NTRK1: variants seen among roughly 807,000 people sequenced by gnomAD.
NTRK1 encodes the protein high affinity nerve growth factor receptor.
Under a neutral mutation model 86.8 loss-of-function variants are expected in NTRK1, and 62 were observed. The ratio of observed to expected loss-of-function variants is 0.71; its 90% CI spans 0.58 to 0.88. The LOEUF (loss-of-function observed/expected upper bound fraction) is 0.88. Ranked by LOEUF, NTRK1 falls within the 40% of genes least tolerant of loss-of-function variation. The pLI is 0.00. For synonymous variants in NTRK1, 469 were observed against 456.6 expected, an observed-to-expected ratio of 1.03 and a Z score of -0.35; for missense variants, 967 against 1,078.4, an observed-to-expected ratio of 0.90 and a Z score of 1.45.
At chr1:156,869,018 C>CCTTCCTTCCTTCCCTCCTT (rs148489988) in intron 6 of NTRK1, among the ~76,000 whole-genome samples, 1 of 43,532 alleles carries the variant, frequency 2.3e-5, no homozygotes, top group Non-Finnish European at 5.2e-5. Flanking sequence ...TTTTCTCTCT[C>CCTTCCTTCCTTCCCTCCTT]CCTTCCTTCC....
chr1:156,851,461 T>G (rs779940211), intron 2 of NTRK1: 1 of 1,613,338 alleles, frequency 6.2e-7, no homozygotes, highest in Non-Finnish European at 8.5e-7. Flanking sequence ...AGGGCTGGAG[T>G]AGGAGCAAGG....
intron 1 of NTRK1, among the ~76,000 whole-genome samples, chr1:156,836,718 G>C (rs1390481647): frequency 6.6e-6 from 1 of 151,754 alleles, no homozygotes; most frequent in Non-Finnish European, 1.5e-5. Flanking sequence ...ATTCAGATGT[G>C]CTGCCTTCAC....
chr1:156,878,743 G>T (rs541503246), intron 14 of NTRK1, among the ~76,000 whole-genome samples: 2 of 152,314 alleles, frequency 1.3e-5, no homozygotes, highest in African/African-American at 2.4e-5. Context: ...GGTCTGCCTG[G>T]GTGGGAAGGG....
At chr1:156,845,049 T>A (rs1233651474) in intron 2 of NTRK1, 2 of 1,586,102 alleles carry the variant, frequency 1.3e-6, no homozygotes, top group Non-Finnish European at 1.7e-6. Context: ...GTGATGGGGG[T>A]AGAAGGTGTG....
At chr1:156,855,632 G>A (rs1197579695) in intron 2 of NTRK1, among the ~76,000 whole-genome samples, 2 of 152,088 alleles carry the variant, frequency 1.3e-5, no homozygotes, top group Admixed American at 1.3e-4. Flanking sequence ...AGACCAGCCT[G>A]GGCAACATGG....
At chr1:156,872,589 T>C (rs1647622855) in intron 7 of NTRK1, among the ~76,000 whole-genome samples, 2 of 151,438 alleles carry the variant, frequency 1.3e-5, no homozygotes, top group Admixed American at 6.6e-5. Flanking sequence ...ATGAATGCTA[T>C]ATTATATATA....
intron 1 of NTRK1, among the ~76,000 whole-genome samples, chr1:156,839,263 G>A (rs980628206): frequency 2.0e-5 from 3 of 152,254 alleles, no homozygotes; most frequent in African/African-American, 4.8e-5. Context: ...AACTGCTGGC[G>A]GGCGTGAGCA....
chr1:156,838,714 G>C (rs1176854544), intron 1 of NTRK1, among the ~76,000 whole-genome samples: 1 of 152,226 alleles, frequency 6.6e-6, no homozygotes, highest in East Asian at 1.9e-4. Context: ...TTCTGGGCCA[G>C]ACACCACCTG....
chr1:156,845,494 C>A, intron 2 of NTRK1: 1 of 1,503,352 alleles, frequency 6.7e-7, no homozygotes, highest in Admixed American at 2.3e-5. Context: ...CCTCCAAAAG[C>A]ACCCACAACC....
At chr1:156,861,468 C>A (rs940534046) in intron 1 of NTRK1, among the ~76,000 whole-genome samples, 1 of 152,218 alleles carries the variant, frequency 6.6e-6, no homozygotes, top group African/African-American at 2.4e-5. Context: ...CAGCCAGAAG[C>A]CCCTGCTCTG....
Position 156,876,546 on chromosome 1 carries a change from G to T in NTRK1, c.1779G>T (p.Arg593=), listed in dbSNP as rs1571699995. Residue 593 remains arginine (R), a synonymous_variant, in exon 14 of 17, where the codon CGG becomes CGT. Coordinates refer to ENST00000524377, the MANE Select transcript of NTRK1 (RefSeq NM_002529.4). ...TGCTCATGGTCTTTGAGTATATGCGGCACGGGGACCTCAACCGCTTCCTCC... is the reference window on the plus strand; with the variant it reads ...TGCTCATGGTCTTTGAGTATATGCGTCACGGGGACCTCAACCGCTTCCTCC... ...RPLLMVFEYM[R]HGDLNRFLRS... 1 of 1,613,032 alleles carries T rather than the reference G, an allele frequency of 6.2e-7. No homozygotes were observed. Among genetic ancestry groups the T allele is most frequent in the Non-Finnish European group, 8.5e-7 (1 of 1,179,906 alleles).
At position 156,874,420 on chromosome 1, in the gene NTRK1, G is replaced by C. The variant is rs2102909085; in HGVS notation, c.1195+20G>C. 6.2e-7 allele frequency: 1 copy of C among 1,614,150 alleles called. No individual in the cohort carries two copies. Among genetic ancestry groups the C allele is most frequent in the Non-Finnish European group, 8.5e-7 (1 of 1,180,040 alleles). On this transcript the variant is annotated intron_variant, in intron 9 of 16. Coordinates refer to ENST00000524377, the MANE Select transcript of NTRK1 (RefSeq NM_002529.4). ...CGGTGGGTGAGTAGCCCAAGGTGGA[G>C]GGCAGGTTCTGCCTGGTCTCTGGAG... is the stretch of plus-strand genomic sequence containing the variant.
At chr1:156,844,454 G>A in intron 2 of NTRK1, 6 of 1,612,594 alleles carry the variant, frequency 3.7e-6, no homozygotes, top group Non-Finnish European at 5.1e-6. Context: ...GACAGAGGCT[G>A]TGTATACCTG....
chr1:156,833,197 G>T (rs1447030505), intron 1 of NTRK1, among the ~76,000 whole-genome samples: 1 of 152,180 alleles, frequency 6.6e-6, no homozygotes, highest in African/African-American at 2.4e-5. Context: ...CTTCTGTAAG[G>T]CTCACTTTCC....
At chr1:156,866,702 C>T (rs1655947049) in intron 3 of NTRK1, among the ~76,000 whole-genome samples, 1 of 152,112 alleles carries the variant, frequency 6.6e-6, no homozygotes, top group African/African-American at 2.4e-5. Flanking sequence ...CCTTGTTGTC[C>T]CAGGGAAAGG....
At chr1:156,835,606 G>A (rs1457527830) in intron 1 of NTRK1, among the ~76,000 whole-genome samples, 1 of 152,204 alleles carries the variant, frequency 6.6e-6, no homozygotes, top group African/African-American at 2.4e-5. Flanking sequence ...ACATGGAAAT[G>A]TAAAAAATGG....
Position 156,840,955 on chromosome 1 carries a change from G to A in NTRK1, c.-63-1126G>A, listed in dbSNP as rs374155767. ...AGGCTCTGCATCGGTGGTAGGCAGG[G>A]AGCCCCGGGCCCCCCGGCATTCCGG... is the stretch of plus-strand genomic sequence containing the variant. On this transcript the variant is annotated intron_variant, in intron 1 of 16. Coordinates refer to the NTRK1 transcript ENST00000392302. 4 of 1,614,020 alleles carry A rather than the reference G, an allele frequency of 2.5e-6. No individual in the cohort carries two copies. In the Admixed American group the frequency reaches 6.7e-5, roughly 27 times the overall value.
In NTRK1 at chr1:156,854,356, A is replaced by C; in HGVS notation, c.51-9998A>C. 2 of 1,513,862 alleles carry C rather than the reference A, an allele frequency of 1.3e-6. No individual in the cohort carries two copies. The highest frequency in any genetic ancestry group is 1.8e-6 in the Non-Finnish European group (2 of 1,125,326). 93.8% of individuals were successfully genotyped at this position (1,513,862 alleles called of 1,614,324 possible). ...GAGTACAGCCCAGGCCAAATTCCCC[A>C]TCCAGCCCTGGCAGCTTTGGAGGGG... On this transcript the variant is annotated intron_variant, in intron 2 of 16. Transcript: ENST00000392302. This position sits in a 1 kb window ranked among gnomAD's most constrained non-coding sequence, Gnocchi z 4.2.
chr1:156,824,938 T>C (rs895042411), intron 1 of NTRK1, among the ~76,000 whole-genome samples: 1 of 152,172 alleles, frequency 6.6e-6, no homozygotes, highest in Non-Finnish European at 1.5e-5. Context: ...TCACCCAGGC[T>C]GGAGTACAAT....
Sources: allele counts gnomAD v4.1 joint callset (sites outside exome capture counted in the v4.1 genomes callset), GRCh38; gene constraint gnomAD v4.1.1; non-coding constraint Gnocchi (gnomAD v3.1); transcripts MANE v1.5; gene names NCBI Gene and HGNC (gene_info 2026-07-23, HGNC 2026-07-21).